Variants in MYH16 observed in about 807,000 individuals in gnomAD.
The protein encoded by MYH16 is myosin heavy chain 16, also known as putative uncharacterized protein MYH16.
chr7:99,270,214 A>G (rs1792031409), intron 18 of MYH16, among the ~76,000 whole-genome samples: 2 of 151,812 alleles, frequency 1.3e-5, no homozygotes, highest in Admixed American at 6.6e-5. Flanking sequence ...GCTCATGCCT[A>G]TAATTCCTGC....
intron 23 of MYH16, among the ~76,000 whole-genome samples, chr7:99,282,332 T>C (rs1270171832): frequency 6.6e-6 from 1 of 152,186 alleles, no homozygotes; most frequent in Non-Finnish European, 1.5e-5. Context: ...GGCCTCACAG[T>C]GGTTATGTTC....
intron 37 of MYH16, among the ~76,000 whole-genome samples, chr7:99,300,500 T>A (rs936156850): frequency 6.6e-6 from 1 of 152,124 alleles, no homozygotes; most frequent in Admixed American, 6.5e-5. Flanking sequence ...GTTTTAGGTG[T>A]CCAAGAGTGG....
intron 19 of MYH16, among the ~76,000 whole-genome samples, 92 bp from the exon 1 acceptor site, chr7:99,272,747 A>G (rs1424969636): frequency 2.1e-5 from 3 of 139,546 alleles, no homozygotes; most frequent in African/African-American, 5.8e-5. Context: ...ACCCTGTCTC[A>G]AAAAAAAAAA....
chr7:99,265,278 C>T (rs1161578875), intron 16 of MYH16: 4 of 152,656 alleles, frequency 2.6e-5, no homozygotes, highest in African/African-American at 9.7e-5. Flanking sequence ...CTTTCATCAC[C>T]AAGGCTGATG....
intron 20 of MYH16, among the ~76,000 whole-genome samples, chr7:99,276,907 T>G (rs1792119510): frequency 2.9e-5 from 4 of 140,302 alleles, no homozygotes; most frequent in Non-Finnish European, 3.1e-5. Flanking sequence ...GAGACAGAGA[T>G]AAGAGAGACA....
chr7:99,290,428 A>G (rs1792352843), intron 30 of MYH16, among the ~76,000 whole-genome samples: 1 of 150,756 alleles, frequency 6.6e-6, no homozygotes, highest in Admixed American at 6.6e-5. Flanking sequence ...TCAAGGCTGC[A>G]ATGAGTTATG....
chr7:99,295,698 T>C (rs997319821), intron 33 of MYH16, among the ~76,000 whole-genome samples: 2 of 151,846 alleles, frequency 1.3e-5, no homozygotes, highest in East Asian at 3.9e-4. Flanking sequence ...TCTGGCAAGG[T>C]GGTTCATGCT....
intron 6 of MYH16, chr7:99,251,239 G>A (rs537386421): frequency 4.5e-5 from 8 of 179,144 alleles, no homozygotes; most frequent in Non-Finnish European, 7.3e-5. Context: ...CAGGGGTCAC[G>A]ACCCCGCCCC....
At chr7:99,297,926 A>C (rs1202769065) in exon 36 of MYH16, 1 of 456,668 alleles carries the variant, frequency 2.2e-6, no homozygotes, top group East Asian at 6.9e-5. Flanking sequence ...ATTCAGTTGG[A>C]ACTGGCTCAG....
At chr7:99,282,436 G>A (rs909076718) in intron 23 of MYH16, among the ~76,000 whole-genome samples, 8 of 152,088 alleles carry the variant, frequency 5.3e-5, no homozygotes, top group African/African-American at 1.9e-4. Context: ...TATAGGGTTA[G>A]ACTCTTGCAT....
chr7:99,247,463 C>G (rs982528701), intron 2 of MYH16: 1 of 152,452 alleles, frequency 6.6e-6, no homozygotes, highest in African/African-American at 2.4e-5. Flanking sequence ...GCATAAACCA[C>G]CACACCTGGC....
At chr7:99,296,058 C>T (rs897792148) in intron 33 of MYH16, among the ~76,000 whole-genome samples, 2 of 147,508 alleles carry the variant, frequency 1.4e-5, no homozygotes, top group African/African-American at 5.1e-5. Flanking sequence ...GCAGGATAAT[C>T]GCTTGAACCC....
At chr7:99,285,631 G>T (rs1792266832) in intron 27 of MYH16, among the ~76,000 whole-genome samples, 193 bp downstream of exon 9, 1 of 152,200 alleles carries the variant, frequency 6.6e-6, no homozygotes, top group Non-Finnish European at 1.5e-5. Flanking sequence ...TGACGTGAAA[G>T]GCAGATGCTC....
chr7:99,260,112 G>T, intron 11 of MYH16: 1 of 1,483,276 alleles, frequency 6.7e-7, no homozygotes, highest in South Asian at 1.1e-5. Flanking sequence ...TCCTGGGAGA[G>T]GCTCTCTGTG....
At chr7:99,244,080 T>C (rs539525329) in intron 2 of MYH16, among the ~76,000 whole-genome samples, 1 of 151,698 alleles carries the variant, frequency 6.6e-6, no homozygotes, top group African/African-American at 2.4e-5. Context: ...CATCTATCCA[T>C]CAGTCCAAAC....
intron 4 of MYH16, among the ~76,000 whole-genome samples, chr7:99,249,478 G>A (rs1012149097): frequency 1.1e-4 from 16 of 146,894 alleles, no homozygotes; most frequent in African/African-American, 3.8e-4. Context: ...GGTTGAGGCT[G>A]CAGTGAGCTA....
At chr7:99,241,768 A>AG (rs1791670052) in intron 1 of MYH16, among the ~76,000 whole-genome samples, 1 of 152,094 alleles carries the variant, frequency 6.6e-6, no homozygotes, top group Non-Finnish European at 1.5e-5. Flanking sequence ...CTCACATCTA[A>AG]GGTTGCAGGC....
Position 99,269,976 on chromosome 7 carries a change from C to T in MYH16, n.2267-981C>T, listed in dbSNP as rs574306044. Among the ~76,000 whole-genome samples the T allele has an allele frequency of 2.0e-5, 3 of 148,852 alleles. No individual in the cohort carries two copies. The East Asian group carries it at 6.0e-4, about 30-fold the overall frequency. ...GCAACCTCCGCCTCCCGGGTTTAAG[C>T]GATTCTCCTGCCTCAGCCTCCCGAG... On this transcript the variant is annotated intron_variant and non_coding_transcript_variant, in intron 18 of 41. Coordinates refer to ENST00000439784, the Ensembl canonical transcript of MYH16.
chr7:99,266,772 C>A (rs1403201793), intron 17 of MYH16: 2 of 152,690 alleles, frequency 1.3e-5, no homozygotes, highest in African/African-American at 4.8e-5. Context: ...ATCTCAAAGA[C>A]CAGCGGATAA....
Sources: allele counts gnomAD v4.1 joint callset (sites outside exome capture counted in the v4.1 genomes callset), GRCh38; gene constraint gnomAD v4.1.1; transcripts MANE v1.5; gene names NCBI Gene and HGNC (gene_info 2026-07-23, HGNC 2026-07-21).